VPS13B: variants seen among roughly 807,000 people sequenced by gnomAD.
VPS13B encodes the protein intermembrane lipid transfer protein VPS13B.
A neutral mutation model predicts 426.4 loss-of-function variants in VPS13B; 285 were observed. That is an observed-to-expected ratio of 0.67 (90% CI 0.61 to 0.74). The LOEUF is 0.74. Ranked by LOEUF, VPS13B falls within the 30% of genes least tolerant of loss-of-function variation. VPS13B has a pLI of 0.00. For synonymous variants in VPS13B, 1,676 were observed against 1,676.4 expected, an observed-to-expected ratio of 1.00 and a Z score of 0.01; for missense variants, 4,537 against 4,782.6, an observed-to-expected ratio of 0.95 and a Z score of 1.51.
At chr8:99,737,106 CTTTTTT>C (rs386413466) in intron 39 of VPS13B, among the ~76,000 whole-genome samples, 2 of 44,358 alleles carry the variant, frequency 4.5e-5, no homozygotes, top group African/African-American at 8.1e-5. Flanking sequence ...AGATGTCCTT[CTTTTTT>C]TTTTTTTTTT....
chr8:99,104,888 G>GT (rs1382043271), intron 5 of VPS13B, among the ~76,000 whole-genome samples: 1 of 152,198 alleles, frequency 6.6e-6, no homozygotes, highest in Admixed American at 6.5e-5. Flanking sequence ...GCCTCCCAAA[G>GT]TGTTGGGATT....
chr8:99,814,595 T>G (rs944084232), intron 44 of VPS13B, among the ~76,000 whole-genome samples: 2 of 152,200 alleles, frequency 1.3e-5, no homozygotes, highest in African/African-American at 4.8e-5. Context: ...CCTTCTCATA[T>G]TATTAGCCAA....
intron 22 of VPS13B, among the ~76,000 whole-genome samples, chr8:99,437,963 CT>C (rs948331130): frequency 6.8e-6 from 1 of 147,908 alleles, no homozygotes. Context: ...CCAGACTTAG[CT>C]TTTTTTTTGG....
chr8:99,438,596 A>G (rs1462903096), intron 22 of VPS13B, among the ~76,000 whole-genome samples: 1 of 152,142 alleles, frequency 6.6e-6, no homozygotes, highest in Non-Finnish European at 1.5e-5. Flanking sequence ...AAAAGTGTGA[A>G]GATTTATAAC....
At chr8:99,144,145 C>T (rs1810575276) in intron 13 of VPS13B, among the ~76,000 whole-genome samples, 1 of 152,086 alleles carries the variant, frequency 6.6e-6, no homozygotes, top group Non-Finnish European at 1.5e-5. Flanking sequence ...GTCCTCAGTA[C>T]TGTGATGGCA....
chr8:99,767,313 G>A (rs1485171974), intron 40 of VPS13B, among the ~76,000 whole-genome samples: 1 of 151,706 alleles, frequency 6.6e-6, no homozygotes, highest in Non-Finnish European at 1.5e-5. Flanking sequence ...CACCTCAATA[G>A]AAGCTTAATG....
intron 21 of VPS13B, among the ~76,000 whole-genome samples, chr8:99,402,601 G>A (rs1474931642): frequency 6.6e-6 from 1 of 152,088 alleles, no homozygotes; most frequent in Non-Finnish European, 1.5e-5. Context: ...ACTAAGAAAG[G>A]TATTGGCTGA....
At chr8:99,568,825 T>G (rs573902479) in intron 31 of VPS13B, among the ~76,000 whole-genome samples, 12 of 151,598 alleles carry the variant, frequency 7.9e-5, no homozygotes, top group Admixed American at 1.3e-4. Context: ...TTGTTTTTTT[T>G]TTTTGAGATG....
chr8:99,312,725 G>T (rs1414324535), intron 19 of VPS13B, among the ~76,000 whole-genome samples: 3 of 152,170 alleles, frequency 2.0e-5, no homozygotes, highest in African/African-American at 4.8e-5. Context: ...TGCCTTGCTA[G>T]GTTGGGGAAG....
At chr8:99,377,326 T>C (rs1047677189) in intron 19 of VPS13B, among the ~76,000 whole-genome samples, 1 of 152,194 alleles carries the variant, frequency 6.6e-6, no homozygotes, top group Admixed American at 6.5e-5. Flanking sequence ...TGCTATGTCT[T>C]CTCACTCAGA....
At chr8:99,672,276 C>G (rs1408225521) in intron 35 of VPS13B, among the ~76,000 whole-genome samples, 2 of 152,118 alleles carry the variant, frequency 1.3e-5, no homozygotes, top group African/African-American at 4.8e-5. Context: ...TTCATGAACA[C>G]AGGATATCTT....
chr8:99,242,726 C>T lies in VPS13B; in HGVS notation c.2516-31472C>T, dbSNP rs184410125. Among the ~76,000 whole-genome samples the T allele has an allele frequency of 3.1e-4, 47 of 152,112 alleles. No individual in the cohort carries two copies. In the East Asian group the frequency reaches 8.1e-3, roughly 26 times the overall value. On this transcript the variant is annotated intron_variant, in intron 17 of 61. Coordinates refer to ENST00000357162, the MANE Select transcript of VPS13B (RefSeq NM_152564.5). ...TTCTGACTTTTTACTTATAGAATTG[C>T]CTTATCATAGTTCCTTATTTGACTA...
At chr8:99,109,594 G>T (rs1479890997) in intron 5 of VPS13B, among the ~76,000 whole-genome samples, 1 of 152,088 alleles carries the variant, frequency 6.6e-6, no homozygotes, top group Admixed American at 6.6e-5. Context: ...CTTTGCCCAG[G>T]CTGGTTTTGA....
chr8:99,572,209 G>A (rs1179235726), intron 31 of VPS13B, among the ~76,000 whole-genome samples: 1 of 152,144 alleles, frequency 6.6e-6, no homozygotes, highest in Non-Finnish European at 1.5e-5. Context: ...TGAAAACTAA[G>A]AATATACGCA....
intron 3 of VPS13B, among the ~76,000 whole-genome samples, chr8:99,041,485 CT>C (rs1408642824): frequency 1.3e-5 from 2 of 152,138 alleles, no homozygotes; most frequent in Admixed American, 1.3e-4. Context: ...CTCTAGGGGC[CT>C]CATCTGTAAA....
chr8:99,721,502 T>A (rs1265676264), intron 39 of VPS13B, among the ~76,000 whole-genome samples: 4 of 152,230 alleles, frequency 2.6e-5, no homozygotes, highest in Non-Finnish European at 5.9e-5. Flanking sequence ...ATTTTTCTAT[T>A]AAAGAAAAGG....
intron 39 of VPS13B, among the ~76,000 whole-genome samples, chr8:99,757,564 A>G (rs546894006): frequency 6.6e-6 from 1 of 152,350 alleles, no homozygotes; most frequent in South Asian, 2.1e-4. Flanking sequence ...ATGGGCAGTC[A>G]TAACCCTGCT....
chr8:99,870,743 C>T (rs747865592), intron 59 of VPS13B, 42 bp from the exon 60 acceptor site: 1 of 1,576,530 alleles, frequency 6.3e-7, no homozygotes, highest in Non-Finnish European at 8.7e-7. Flanking sequence ...AACTGTTTTC[C>T]AGAAAACAAG....
intron 31 of VPS13B, among the ~76,000 whole-genome samples, chr8:99,559,656 T>A (rs1439756174): frequency 3.3e-5 from 5 of 152,124 alleles, no homozygotes; most frequent in Non-Finnish European, 7.4e-5. Flanking sequence ...CCATTTATTA[T>A]ATAGGAAATC....
Sources: allele counts gnomAD v4.1 joint callset (sites outside exome capture counted in the v4.1 genomes callset), GRCh38; gene constraint gnomAD v4.1.1; transcripts MANE v1.5; gene names NCBI Gene and HGNC (gene_info 2026-07-23, HGNC 2026-07-21).